The following GPC5 variants were observed in gnomAD, a reference collection of about 807,000 sequenced individuals.
GPC5 encodes the protein glypican-5.
Under a neutral mutation model 53.9 loss-of-function variants are expected in GPC5, and 47 were observed. That is an observed-to-expected ratio of 0.87 (90% CI 0.69 to 1.11). GPC5 has a LOEUF of 1.11. GPC5 is among the 50% of genes most tolerant of loss of function. GPC5 has a pLI of 0.00. For synonymous variants in GPC5, 286 were observed against 263.3 expected (o/e 1.09, Z -0.84); for missense variants, 748 against 713.1 (o/e 1.05, Z -0.56).
In GPC5 at chr13:91,908,306, A is replaced by G. The variant is rs143619996; in HGVS notation, c.1401+249A>G. Among the ~76,000 whole-genome samples, 28 of 152,172 alleles carry G rather than the reference A, an allele frequency of 1.8e-4. No homozygotes were observed. In the East Asian group the frequency reaches 5.4e-3, roughly 29 times the overall value. On this transcript the variant is annotated intron_variant, in intron 6 of 7. Transcript: ENST00000377067. ...CAAGCCTCAGCCTCAGCATTTCATA[A>G]TGAGAATCTCAGGATATGCTTTGTC...
Position 91,951,548 on chromosome 13 carries a change from C to T in GPC5, c.1401+43491C>T, listed in dbSNP as rs150892968. ...TTGCTGAAAGTTGTGTCAGAAGAGA[C>T]ACACCTTCTGAATACCTAAATAGAA... On this transcript the variant is annotated intron_variant, in intron 6 of 7. Coordinates refer to ENST00000377067, the MANE Select transcript of GPC5 (RefSeq NM_004466.6). 1.4e-4 allele frequency among the ~76,000 whole-genome samples: 22 copies of T among 152,224 alleles called. 1 individual carries two copies. The highest frequency in any genetic ancestry group is 1.0e-3 in the South Asian group (5 of 4,820).
rs1566314104 is a variant in GPC5, at chr13:92,602,236, ATATAT to A, written c.1562-264045_1562-264041del. ...ATATATATAAATATATATATAACAT[ATATAT>A]ATATATATATATATATATATATGCA... On this transcript the variant is annotated intron_variant, in intron 7 of 7. Coordinates refer to ENST00000377067, the MANE Select transcript of GPC5 (RefSeq NM_004466.6). Among the ~76,000 whole-genome samples the A allele has an allele frequency of 9.9e-3, 1,046 of 105,140 alleles. 38 individuals are homozygous for A. The highest frequency in any genetic ancestry group is 0.038 in the African/African-American group (842 of 22,346). The allele number at this position is 105,140 out of a possible 152,430, so 69.0% of individuals were successfully genotyped here. A position where few individuals can be genotyped will look rare whatever the true frequency, so the allele number is the denominator to read the frequency against.
At chr13:91,806,166 G>C (rs1340378572) in intron 5 of GPC5, among the ~76,000 whole-genome samples, 8 of 150,612 alleles carry the variant, frequency 5.3e-5, no homozygotes, top group Non-Finnish European at 1.2e-4. Context: ...GTCCCGAGTG[G>C]CTGGGACTAC....
At chr13:92,782,299 A>G (rs1346290527) in intron 7 of GPC5, among the ~76,000 whole-genome samples, 1 of 152,166 alleles carries the variant, frequency 6.6e-6, no homozygotes. Flanking sequence ...AATGTCATGT[A>G]CATTATATAA....
intron 7 of GPC5, among the ~76,000 whole-genome samples, chr13:92,496,322 T>A (rs547690100): frequency 6.6e-6 from 1 of 152,336 alleles, no homozygotes; most frequent in East Asian, 1.9e-4. Flanking sequence ...AATTTTTAAA[T>A]GGCATTTAGA....
chr13:92,775,785 C>T (rs1428568783), intron 7 of GPC5, among the ~76,000 whole-genome samples: 1 of 152,188 alleles, frequency 6.6e-6, no homozygotes, highest in Admixed American at 6.6e-5. Flanking sequence ...ATATCACAGT[C>T]CTGCTTTAAA....
At chr13:92,369,433 C>T (rs1381299848) in intron 7 of GPC5, among the ~76,000 whole-genome samples, 1 of 152,226 alleles carries the variant, frequency 6.6e-6, no homozygotes, top group Non-Finnish European at 1.5e-5. Flanking sequence ...CCACCAGGGC[C>T]TCCCAAAGTG....
chr13:92,287,952 CT>C (rs1355089605), intron 7 of GPC5, among the ~76,000 whole-genome samples: 2 of 151,914 alleles, frequency 1.3e-5, no homozygotes, highest in Non-Finnish European at 1.5e-5. Flanking sequence ...TTCCTTCATT[CT>C]TTTTTATTTT....
At chr13:92,276,160 G>A (rs964444214) in intron 7 of GPC5, among the ~76,000 whole-genome samples, 13 of 152,240 alleles carry the variant, frequency 8.5e-5, no homozygotes, top group Admixed American at 5.2e-4. Context: ...GGTTACTTGG[G>A]CTGATACAAC....
chr13:92,757,586 A>G (rs1222616033), intron 7 of GPC5, among the ~76,000 whole-genome samples: 2 of 152,244 alleles, frequency 1.3e-5, no homozygotes, highest in Non-Finnish European at 2.9e-5. Context: ...TACTCATCTG[A>G]AAAAGGGCTA....
intron 2 of GPC5, among the ~76,000 whole-genome samples, chr13:91,582,587 G>T (rs369387557): frequency 1.8e-4 from 28 of 152,230 alleles, no homozygotes; most frequent in Middle Eastern, 3.4e-3. Context: ...ACACAAGATT[G>T]AGATTTTTGG....
chr13:92,226,345 G>A (rs2042486062), intron 7 of GPC5, among the ~76,000 whole-genome samples: 2 of 152,098 alleles, frequency 1.3e-5, no homozygotes, highest in African/African-American at 2.4e-5. Context: ...AACAACAATC[G>A]TGTGTCTGGA....
At chr13:91,618,165 A>G (rs1426299876) in intron 2 of GPC5, among the ~76,000 whole-genome samples, 1 of 152,146 alleles carries the variant, frequency 6.6e-6, no homozygotes, top group East Asian at 1.9e-4. Flanking sequence ...AGCAGTTTAC[A>G]TGTTTAAATG....
intron 7 of GPC5, among the ~76,000 whole-genome samples, chr13:92,594,336 G>T (rs950799553): frequency 6.6e-6 from 1 of 152,168 alleles, no homozygotes; most frequent in African/African-American, 2.4e-5. Context: ...GGGTTAAAAG[G>T]CTCTGAACAT....
chr13:91,609,139 C>G (rs1350508679), intron 2 of GPC5, among the ~76,000 whole-genome samples: 3 of 149,720 alleles, frequency 2.0e-5, no homozygotes, highest in Admixed American at 6.8e-5. Context: ...TGAAGAGGTT[C>G]TATCACTGCA....
intron 5 of GPC5, among the ~76,000 whole-genome samples, chr13:91,882,334 A>G (rs2039273179): frequency 6.6e-6 from 1 of 152,120 alleles, no homozygotes; most frequent in East Asian, 1.9e-4. Context: ...TGAAAATCTT[A>G]TACATTATAA....
At chr13:91,705,237 T>TG in intron 3 of GPC5, among the ~76,000 whole-genome samples, 1 of 152,268 alleles carries the variant, frequency 6.6e-6, no homozygotes, top group Non-Finnish European at 1.5e-5. Context: ...CATTTATGAT[T>TG]CTGACTTCGT....
At chr13:91,642,713 CT>C (rs71113755) in intron 2 of GPC5, among the ~76,000 whole-genome samples, 58 of 143,266 alleles carry the variant, frequency 4.0e-4, no homozygotes, top group Non-Finnish European at 4.7e-4. Context: ...TAAGGAAGAG[CT>C]TTTTTTTTTT....
At chr13:92,789,068 C>T (rs2138771988) in intron 7 of GPC5, among the ~76,000 whole-genome samples, 1 of 152,286 alleles carries the variant, frequency 6.6e-6, no homozygotes, top group Non-Finnish European at 1.5e-5. Flanking sequence ...CTCAATATTT[C>T]AATATGGATC....
Sources: gnomAD v4.1 joint callset for allele counts (sites outside exome capture counted in the v4.1 genomes callset) on GRCh38, gnomAD v4.1.1 for gene constraint, MANE v1.5 for transcripts, NCBI Gene and HGNC (gene_info 2026-07-23, HGNC 2026-07-21) for gene names.